LRP1B: variants seen among roughly 807,000 people sequenced by gnomAD.
The protein encoded by LRP1B is LDL receptor related protein 1B, also known as low-density lipoprotein receptor-related protein 1B.
A neutral mutation model predicts 556.6 loss-of-function variants in LRP1B; 217 were observed. The ratio of observed to expected loss-of-function variants is 0.39; its 90% CI spans 0.35 to 0.44. The LOEUF (loss-of-function observed/expected upper bound fraction) is 0.44. Among genes scored for constraint, LRP1B ranks in the 20% least tolerant of loss-of-function variants. The pLI is 1.00. For missense variants in LRP1B, 5,053 were observed against 5,620.8 expected, an observed-to-expected ratio of 0.90 and a Z score of 3.23; for synonymous variants, 2,047 against 1,865.8, an observed-to-expected ratio of 1.10 and a Z score of -2.50.
chr2:141,377,915 A>G (rs1689498363), intron 3 of LRP1B, among the ~76,000 whole-genome samples: 1 of 152,152 alleles, frequency 6.6e-6, no homozygotes, highest in African/African-American at 2.4e-5. Flanking sequence ...ACAGCACCAA[A>G]TGAAAAATGT....
chr2:140,579,611 G>T (rs1358177122), intron 43 of LRP1B, among the ~76,000 whole-genome samples: 2 of 152,118 alleles, frequency 1.3e-5, no homozygotes, highest in Non-Finnish European at 2.9e-5. Context: ...GGATGCCGAG[G>T]TGGGCAGATC....
At chr2:140,324,489 G>GCAAT (rs996528621) in intron 80 of LRP1B, among the ~76,000 whole-genome samples, 5 of 151,952 alleles carry the variant, frequency 3.3e-5, no homozygotes, top group African/African-American at 9.7e-5. Flanking sequence ...GGTTTATTAA[G>GCAAT]CAATCAATCA....
intron 1 of LRP1B, among the ~76,000 whole-genome samples, chr2:141,931,945 T>C (rs1422333884): frequency 2.6e-5 from 4 of 151,998 alleles, no homozygotes; most frequent in South Asian, 2.1e-4. Context: ...CTTTCTTTTT[T>C]CTATGAGCAA....
chr2:141,726,046 A>T, intron 2 of LRP1B, among the ~76,000 whole-genome samples: 1 of 148,308 alleles, frequency 6.7e-6, no homozygotes, highest in South Asian at 2.2e-4. Flanking sequence ...AATTTATTAT[A>T]AAAAATGTGA....
intron 3 of LRP1B, among the ~76,000 whole-genome samples, chr2:141,334,351 C>G (rs977676993): frequency 5.9e-5 from 9 of 152,322 alleles, no homozygotes; most frequent in Non-Finnish European, 8.8e-5. Context: ...GCACCTTCCC[C>G]ACTTCCTCCT....
Position 140,506,488 on chromosome 2 carries a change from C to A in LRP1B, c.8521+308G>T, listed in dbSNP as rs552344453. 9.8e-4 allele frequency among the ~76,000 whole-genome samples: 149 copies of A among 152,244 alleles called. 2 individuals are homozygous for A. The highest frequency in any genetic ancestry group is 3.4e-3 in the Middle Eastern group (1 of 294). ...CGAACTCCTGACCTCAGGTGATCCA[C>A]CCGCCTCAGCCTCCCGAAGTGCTAG... On this transcript the variant is annotated intron_variant, in intron 53 of 90. Transcript: ENST00000389484.
At chr2:142,057,905 G>T (rs1704738449) in intron 1 of LRP1B, among the ~76,000 whole-genome samples, 2 of 152,020 alleles carry the variant, frequency 1.3e-5, no homozygotes, top group African/African-American at 4.8e-5. Context: ...TCAACTTCCT[G>T]CAGTGAATGT....
chr2:141,742,995 T>C (rs1369114036), intron 2 of LRP1B, among the ~76,000 whole-genome samples: 2 of 152,136 alleles, frequency 1.3e-5, no homozygotes, highest in Non-Finnish European at 2.9e-5. Context: ...GTTCTAACAG[T>C]TTTTCGGTGG....
chr2:141,531,380 T>C (rs547539924), intron 2 of LRP1B, among the ~76,000 whole-genome samples: 3 of 152,262 alleles, frequency 2.0e-5, no homozygotes, highest in South Asian at 4.1e-4. Context: ...CTTTTTCAGA[T>C]AACGTATTAA....
intron 29 of LRP1B, among the ~76,000 whole-genome samples, chr2:140,849,197 A>C (rs1326809102): frequency 1.7e-5 from 1 of 60,220 alleles, no homozygotes; most frequent in Non-Finnish European, 3.8e-5. Flanking sequence ...TCTACTAAAA[A>C]TACAAAAAAA....
At chr2:142,024,535 T>C (rs115305007) in intron 1 of LRP1B, among the ~76,000 whole-genome samples, 1 of 151,970 alleles carries the variant, frequency 6.6e-6, no homozygotes, top group African/African-American at 2.4e-5. Context: ...ACTTAAGACC[T>C]AGTTTCTTGA....
intron 2 of LRP1B, among the ~76,000 whole-genome samples, chr2:141,737,785 A>G (rs1362347869): frequency 6.6e-6 from 1 of 152,172 alleles, no homozygotes; most frequent in South Asian, 2.1e-4. Flanking sequence ...ATATTGGTGC[A>G]TATTAAGCAT....
intron 7 of LRP1B, among the ~76,000 whole-genome samples, chr2:141,173,550 A>C (rs963280912): frequency 1.3e-5 from 2 of 152,078 alleles, no homozygotes; most frequent in African/African-American, 4.8e-5. Context: ...AAGCAAACTT[A>C]TTTAGCTCTT....
At chr2:141,328,262 T>C (rs1687502336) in intron 3 of LRP1B, among the ~76,000 whole-genome samples, 1 of 152,206 alleles carries the variant, frequency 6.6e-6, no homozygotes, top group Non-Finnish European at 1.5e-5. Flanking sequence ...AGCTGTAACC[T>C]GTGACAGAAT....
intron 87 of LRP1B, among the ~76,000 whole-genome samples, chr2:140,245,195 G>A (rs143796975): frequency 2.0e-3 from 306 of 151,314 alleles, no homozygotes; most frequent in African/African-American, 7.1e-3. Context: ...CATTGGAAAG[G>A]GTTACAACTA....
At chr2:141,510,240 CA>C (rs1684078592) in intron 2 of LRP1B, among the ~76,000 whole-genome samples, 2 of 120,880 alleles carry the variant, frequency 1.7e-5, no homozygotes, top group East Asian at 3.4e-4. Flanking sequence ...ACACACCCCC[CA>C]CAGTCATTTG....
intron 66 of LRP1B, among the ~76,000 whole-genome samples, chr2:140,424,347 C>T (rs961805889): frequency 3.9e-5 from 6 of 152,086 alleles, no homozygotes; most frequent in African/African-American, 1.4e-4. Context: ...CATGATTATT[C>T]ATTCCTTTAA....
chr2:141,199,222 A>C (rs1681892292), intron 6 of LRP1B, among the ~76,000 whole-genome samples: 1 of 152,172 alleles, frequency 6.6e-6, no homozygotes. Context: ...CATCATCAAT[A>C]TCTTTACCAA....
chr2:140,399,176 C>CACACACACACACACACACA (rs377687105), intron 66 of LRP1B, among the ~76,000 whole-genome samples: 7 of 151,828 alleles, frequency 4.6e-5, no homozygotes, highest in African/African-American at 1.5e-4. Context: ...CACACACACA[C>CACACACACACACACACACA]ACACACACAC....
Sources: gnomAD v4.1 joint callset for allele counts (sites outside exome capture counted in the v4.1 genomes callset) on GRCh38, gnomAD v4.1.1 for gene constraint, MANE v1.5 for transcripts, NCBI Gene and HGNC (gene_info 2026-07-23, HGNC 2026-07-21) for gene names.